OPHN1: variants seen among roughly 807,000 people sequenced by gnomAD.
OPHN1 encodes the protein oligophrenin 1.
Under a neutral mutation model 60.7 loss-of-function variants are expected in OPHN1, and 11 were observed. The ratio of observed to expected loss-of-function variants is 0.18; its 90% CI spans 0.11 to 0.30. OPHN1 has a LOEUF of 0.30. OPHN1 is among the 10% of genes least tolerant of loss of function. The pLI is 1.00. For synonymous variants in OPHN1, 226 were observed against 222.6 expected, an observed-to-expected ratio of 1.02 and a Z score of -0.14; for missense variants, 449 against 611.0, an observed-to-expected ratio of 0.73 and a Z score of 2.80.
At chrX:68,121,013 G>T (rs1037736807) in intron 15 of OPHN1, among the ~76,000 whole-genome samples, 1 of 112,272 alleles carries the variant, frequency 8.9e-6, no homozygotes, top group Non-Finnish European at 1.9e-5. Context: ...AGACTTAAAT[G>T]TAAGACCAGA....
At chrX:68,265,251 C>T (rs1306590580) in intron 5 of OPHN1, among the ~76,000 whole-genome samples, 3 of 112,182 alleles carry the variant, frequency 2.7e-5, no homozygotes, top group African/African-American at 9.7e-5. Context: ...TCCCTGACCC[C>T]CAAGTAGCCT....
At chrX:68,309,552 G>C (rs1028919333) in intron 2 of OPHN1, among the ~76,000 whole-genome samples, 3 of 111,975 alleles carry the variant, frequency 2.7e-5, no homozygotes, top group Non-Finnish European at 3.8e-5. Flanking sequence ...ATTATTTACG[G>C]ATTCTATATT....
At chrX:68,141,952 GAAAGA>G (rs2077245209) in intron 15 of OPHN1, among the ~76,000 whole-genome samples, 1 of 103,113 alleles carries the variant, frequency 9.7e-6, no homozygotes, top group South Asian at 4.4e-4. Context: ...AAGAAAGAAA[GAAAGA>G]AAGAAGAGAG....
intron 6 of OPHN1, among the ~76,000 whole-genome samples, chrX:68,234,114 G>T (rs1194427119): frequency 3.2e-5 from 3 of 93,039 alleles, no homozygotes; most frequent in South Asian, 5.2e-4. Flanking sequence ...AAAAAAAAAG[G>T]TTGTGGAATC....
At chrX:68,081,630 A>G (rs893814888) in intron 19 of OPHN1, among the ~76,000 whole-genome samples, 2 of 111,901 alleles carry the variant, frequency 1.8e-5, no homozygotes, top group African/African-American at 3.3e-5. Flanking sequence ...AATAAGGTAT[A>G]CATCCCTTCA....
intron 6 of OPHN1, among the ~76,000 whole-genome samples, chrX:68,226,623 C>A (rs2077694607): frequency 9.0e-6 from 1 of 111,192 alleles, no homozygotes; most frequent in Non-Finnish European, 1.9e-5. Flanking sequence ...TCATAACTAG[C>A]CAAACTAAGC....
intron 2 of OPHN1, among the ~76,000 whole-genome samples, chrX:68,371,970 C>A (rs1304437672): frequency 8.9e-6 from 1 of 111,906 alleles, no homozygotes; most frequent in African/African-American, 3.3e-5. Context: ...GTCTCAAACT[C>A]CAGACCTCAG....
At chrX:68,177,326 C>A (rs1458789361) in intron 15 of OPHN1, among the ~76,000 whole-genome samples, 1 of 110,350 alleles carries the variant, frequency 9.1e-6, no homozygotes, top group African/African-American at 3.3e-5. Flanking sequence ...CATTAATGAA[C>A]AATAAACTTA....
intron 2 of OPHN1, among the ~76,000 whole-genome samples, chrX:68,313,588 G>A (rs1327271999): frequency 4.5e-5 from 5 of 111,557 alleles, no homozygotes; most frequent in Admixed American, 1.9e-4. Flanking sequence ...AATAAGCCAG[G>A]CACAGAAAGA....
chrX:68,240,499 C>A (rs950796661), intron 5 of OPHN1, among the ~76,000 whole-genome samples: 2 of 110,961 alleles, frequency 1.8e-5, no homozygotes, highest in African/African-American at 6.6e-5. Context: ...TGGCCATTTA[C>A]ATTTTTCTAG....
intron 2 of OPHN1, among the ~76,000 whole-genome samples, chrX:68,415,028 T>C (rs2078787187): frequency 8.9e-6 from 1 of 112,320 alleles, no homozygotes; most frequent in Non-Finnish European, 1.9e-5. Flanking sequence ...GAGTTAAAGA[T>C]GGAAGACATC....
At chrX:68,427,896 T>C (rs777897032) in intron 2 of OPHN1, among the ~76,000 whole-genome samples, 11 of 109,565 alleles carry the variant, frequency 1.0e-4, no homozygotes, top group Admixed American at 4.9e-4. Context: ...TTTGGGAGGC[T>C]GAGGCTGGTG....
chrX:68,080,607 C>T (rs1442095303), intron 19 of OPHN1, among the ~76,000 whole-genome samples: 1 of 112,054 alleles, frequency 8.9e-6, no homozygotes, highest in Admixed American at 9.4e-5. Flanking sequence ...AAGAAGCTGT[C>T]TGTATTACAT....
intron 2 of OPHN1, among the ~76,000 whole-genome samples, chrX:68,400,477 G>T (rs1037442958): frequency 3.6e-5 from 4 of 111,478 alleles, no homozygotes; most frequent in Admixed American, 1.9e-4. Flanking sequence ...TTGGCTCACA[G>T]TTCTGCAGGC....
chrX:68,322,225 G>T (rs1380376503), intron 2 of OPHN1, among the ~76,000 whole-genome samples: 4 of 111,197 alleles, frequency 3.6e-5, no homozygotes, highest in Non-Finnish European at 7.5e-5. Flanking sequence ...GCCCACCTCA[G>T]ACTCCCAAAG....
intron 5 of OPHN1, among the ~76,000 whole-genome samples, chrX:68,273,628 A>C (rs2077979584): frequency 8.9e-6 from 1 of 112,134 alleles, no homozygotes; most frequent in Admixed American, 9.5e-5. Flanking sequence ...GGCTAGAAAG[A>C]ATGAGGAGCT....
intron 21 of OPHN1, among the ~76,000 whole-genome samples, 177 bp downstream of exon 21, chrX:68,063,677 A>G (rs1187745604): frequency 8.9e-6 from 1 of 112,308 alleles, no homozygotes; most frequent in African/African-American, 3.2e-5. Context: ...GCCCTCATGG[A>G]GCTTACATTC....
Position 68,091,822 on chromosome X carries a change from A to G in OPHN1, c.1686+5048T>C, listed in dbSNP as rs1048423866. Among the ~76,000 whole-genome samples, 11 of 111,420 alleles carry G rather than the reference A, an allele frequency of 9.9e-5. 2 individuals carry two copies. In the Admixed American group the frequency reaches 1.1e-3, roughly 11 times the overall value. On this transcript the variant is annotated intron_variant, in intron 19 of 24. Transcript: ENST00000355520. The stretch of plus-strand genomic sequence containing the variant: ...TACCTCTATGCCTCAAGCCAACAAC[A>G]TGAGGTTCAGGCACCCTGATACATA...
chrX:68,355,316 A>G (rs1021450987), intron 2 of OPHN1, among the ~76,000 whole-genome samples: 1 of 112,348 alleles, frequency 8.9e-6, no homozygotes, highest in Non-Finnish European at 1.9e-5. Context: ...AGTACATAAA[A>G]CATTGCATCT....
Sources: allele counts gnomAD v4.1 joint callset (sites outside exome capture counted in the v4.1 genomes callset), GRCh38; gene constraint gnomAD v4.1.1; transcripts MANE v1.5; gene names NCBI Gene and HGNC (gene_info 2026-07-23, HGNC 2026-07-21).